Variants in NEK11 observed in about 807,000 individuals in gnomAD.
The protein encoded by NEK11 is serine/threonine-protein kinase Nek11.
A neutral mutation model predicts 80.7 loss-of-function variants in NEK11; 72 were observed. The observed-to-expected ratio is 0.89, with a 90% confidence interval of 0.74 to 1.08. The LOEUF (loss-of-function observed/expected upper bound fraction) is 1.08. NEK11 is among the 50% of genes least tolerant of loss of function. The pLI is 0.00. For missense variants in NEK11, 764 were observed against 763.6 expected, an observed-to-expected ratio of 1.00 and a Z score of -0.01; for synonymous variants, 251 against 260.7, an observed-to-expected ratio of 0.96 and a Z score of 0.36.
intron 4 of NEK11, among the ~76,000 whole-genome samples, chr3:131,108,484 C>T (rs2079547650): frequency 6.6e-6 from 1 of 152,104 alleles, no homozygotes. Flanking sequence ...AGGAACATTT[C>T]TCAAATTATC....
At chr3:131,274,632 CTTTTT>C (rs756861338) in intron 17 of NEK11, among the ~76,000 whole-genome samples, 27 of 45,324 alleles carry the variant, frequency 6.0e-4, no homozygotes, top group Admixed American at 1.2e-3. Context: ...TGTTTCCTGA[CTTTTT>C]TTTTTTTTTT....
intron 14 of NEK11, among the ~76,000 whole-genome samples, chr3:131,222,312 C>T (rs979851423): frequency 1.3e-5 from 2 of 152,138 alleles, no homozygotes; most frequent in African/African-American, 4.8e-5. Context: ...TTCTAGTCTA[C>T]ATTGAAGAGT....
chr3:131,196,625 C>T (rs1198382792), intron 14 of NEK11, among the ~76,000 whole-genome samples: 1 of 152,010 alleles, frequency 6.6e-6, no homozygotes, highest in African/African-American at 2.4e-5. Context: ...CCTCCACTTC[C>T]CTGGTTCAAG....
chr3:131,195,848 T>C (rs2093988697), intron 14 of NEK11, among the ~76,000 whole-genome samples: 1 of 143,840 alleles, frequency 7.0e-6, no homozygotes, highest in Admixed American at 6.9e-5. Flanking sequence ...ATACACCCTA[T>C]TGGTATGTAA....
At chr3:131,331,854 G>C (rs954913333) in intron 17 of NEK11, among the ~76,000 whole-genome samples, 1 of 152,212 alleles carries the variant, frequency 6.6e-6, no homozygotes, top group African/African-American at 2.4e-5. Flanking sequence ...ACAGAGTCTC[G>C]CTGATTGCTA....
At chr3:131,330,439 G>C (rs1302986913) in intron 17 of NEK11, 1 of 152,208 alleles carries the variant, frequency 6.6e-6, no homozygotes, top group Non-Finnish European at 1.5e-5. Flanking sequence ...TTAAAGTCAT[G>C]AAACTAGATG....
rs572533057 is a variant in NEK11, at chr3:131,095,541, T to A, written c.337-14262T>A. Among the ~76,000 whole-genome samples, 19 of 151,484 alleles carry A rather than the reference T, an allele frequency of 1.3e-4. No individual in the cohort carries two copies. The South Asian group carries it at 3.3e-3, about 26-fold the overall frequency. On this transcript the variant is annotated intron_variant, in intron 4 of 17. Coordinates refer to ENST00000383366, the MANE Select transcript of NEK11 (RefSeq NM_024800.5). The stretch of plus-strand genomic sequence containing the variant: ...CCTTTTCTGTATATACAGTATTTTT[T>A]AAAAATTAAAATTACGAGTGATAGT...
chr3:131,169,623 A>G (rs2092541536), intron 13 of NEK11, among the ~76,000 whole-genome samples: 1 of 152,192 alleles, frequency 6.6e-6, no homozygotes, highest in African/African-American at 2.4e-5. Flanking sequence ...CCTGTGGCAT[A>G]TACAGTTTTG....
chr3:131,040,104 G>A (rs991224824), intron 3 of NEK11, among the ~76,000 whole-genome samples: 1 of 152,114 alleles, frequency 6.6e-6, no homozygotes, highest in Non-Finnish European at 1.5e-5. Context: ...AGTTAATATT[G>A]TGTGACCTTT....
intron 14 of NEK11, among the ~76,000 whole-genome samples, chr3:131,199,839 T>C (rs2094161442): frequency 6.6e-6 from 1 of 152,018 alleles, no homozygotes; most frequent in South Asian, 2.1e-4. Flanking sequence ...GAGAATACAT[T>C]AGAATACTGA....
At chr3:131,219,462 C>G (rs2094947999) in intron 14 of NEK11, among the ~76,000 whole-genome samples, 1 of 151,328 alleles carries the variant, frequency 6.6e-6, no homozygotes, top group South Asian at 2.1e-4. Context: ...TTGATGGGTG[C>G]AGCAAACCTG....
chr3:131,056,993 C>G (rs888278062), intron 3 of NEK11, among the ~76,000 whole-genome samples: 3 of 150,104 alleles, frequency 2.0e-5, no homozygotes, highest in Non-Finnish European at 3.0e-5. Flanking sequence ...CCCATTAACT[C>G]GTCATTTAGC....
chr3:131,124,267 A>G (rs911090909), intron 5 of NEK11, among the ~76,000 whole-genome samples: 3 of 152,328 alleles, frequency 2.0e-5, no homozygotes, highest in African/African-American at 2.4e-5. Context: ...GACAAAAGAT[A>G]TTAGTGGATA....
intron 16 of NEK11, among the ~76,000 whole-genome samples, chr3:131,249,114 T>C (rs2095655389): frequency 6.6e-6 from 1 of 151,388 alleles, no homozygotes; most frequent in African/African-American, 2.4e-5. Flanking sequence ...AAAAAGCTAA[T>C]ATAAACCTAC....
At chr3:131,104,772 G>A in intron 4 of NEK11, among the ~76,000 whole-genome samples, 1 of 152,326 alleles carries the variant, frequency 6.6e-6, no homozygotes. Flanking sequence ...GTGGGCTTCA[G>A]TGGTAGCTCT....
chr3:131,104,819 GC>G (rs1196392136), intron 4 of NEK11, among the ~76,000 whole-genome samples: 1 of 152,178 alleles, frequency 6.6e-6, no homozygotes. Context: ...CGATCTGGAA[GC>G]CCAGGGGAGC....
chr3:131,326,776 G>C (rs955449929), intron 17 of NEK11, among the ~76,000 whole-genome samples: 8 of 152,184 alleles, frequency 5.3e-5, no homozygotes, highest in Non-Finnish European at 7.3e-5. Flanking sequence ...TCCTCTGCTA[G>C]GTCATGCTCT....
At position 131,161,324 on chromosome 3, in the gene NEK11, A is replaced by T. The variant is rs141020224; in HGVS notation, c.963-1084A>T. Among the ~76,000 whole-genome samples, 384 of 152,300 alleles carry T rather than the reference A, an allele frequency of 2.5e-3. 2 individuals are homozygous for T. Among genetic ancestry groups the T allele is most frequent in the Non-Finnish European group, 3.4e-3 (232 of 68,020 alleles). On this transcript the variant is annotated intron_variant, in intron 10 of 17. Transcript: ENST00000383366. Reference sequence around the variant, plus strand: ...GAATACCATTTGACCCAGCAATTCCATTACTGGATATATACCTAAAGGAAT... The same window carrying T: ...GAATACCATTTGACCCAGCAATTCCTTTACTGGATATATACCTAAAGGAAT...
chr3:131,219,541 C>T lies in NEK11; in HGVS notation c.1400-8987C>T, dbSNP rs1378525835. On this transcript the variant is annotated intron_variant, in intron 14 of 17. Transcript: ENST00000383366. ...CCTGCATGTTCTGCACATGTATCCC[C>T]AAACTTAAAGTATACAAAAAAAAAA... is the stretch of plus-strand genomic sequence containing the variant. 4.8e-5 allele frequency among the ~76,000 whole-genome samples: 6 copies of T among 125,820 alleles called. No individual in the cohort carries two copies. The South Asian group carries it at 1.4e-3, about 30-fold the overall frequency. 82.5% of individuals were successfully genotyped at this position (125,820 alleles called of 152,430 possible). A position where few individuals can be genotyped will look rare whatever the true frequency, so the allele number is the denominator to read the frequency against.
Sources: gnomAD v4.1 joint callset for allele counts (sites outside exome capture counted in the v4.1 genomes callset) on GRCh38, gnomAD v4.1.1 for gene constraint, MANE v1.5 for transcripts, NCBI Gene and HGNC (gene_info 2026-07-23, HGNC 2026-07-21) for gene names.